Variants in RP1L1 observed in about 807,000 individuals in gnomAD.
The protein encoded by RP1L1 is retinitis pigmentosa 1-like 1 protein.
In RP1L1, 27 loss-of-function variants were observed where a neutral mutation model predicts 15.7. That is an observed-to-expected ratio of 1.72 (90% CI 1.27 to 2.38). The LOEUF (loss-of-function observed/expected upper bound fraction) is 2.38. Among genes scored for constraint, RP1L1 ranks in the 30% most tolerant of loss-of-function variants. The probability of loss-of-function intolerance (pLI) is 0.00; values close to 1 mark genes in which losing one functional copy is unlikely to be tolerated. For synonymous variants in RP1L1, 1,813 were observed against 1,276.7 expected (o/e 1.42, Z -8.96); for missense variants, 4,798 against 3,075.9 (o/e 1.56, Z -13.24).
intron 1 of RP1L1, among the ~76,000 whole-genome samples, chr8:10,627,192 T>C (rs545552898): frequency 7.9e-5 from 12 of 152,298 alleles, no homozygotes; most frequent in African/African-American, 2.9e-4. Context: ...CCCACGTTCA[T>C]TGCAGCTTTA....
In RP1L1 at chr8:10,612,846, C is replaced by T. The variant is rs1482467097; in HGVS notation, c.1252G>A (p.Glu418Lys). 13 of 1,612,846 alleles carry T rather than the reference C, an allele frequency of 8.1e-6. No homozygotes were observed. Among genetic ancestry groups the T allele is most frequent in the Non-Finnish European group, 1.1e-5 (13 of 1,179,932 alleles). ...CACCTCTTCCGAGCTGCCACTCTCT[C>T]TCCCTGGGAGGCATGCAGGGGATTC... is the stretch of plus-strand genomic sequence containing the variant. ...WTNPLHASQG[E>K]RVAARKRWGL... Residue 418 changes from glutamate (E) to lysine (K), a missense_variant, in exon 4 of 4, where the codon GAG becomes AAG. By Grantham distance (56) the Glu-to-Lys change is moderately conservative. Coordinates refer to ENST00000382483, the MANE Select transcript of RP1L1 (RefSeq NM_178857.6).
At position 10,608,874 on chromosome 8, in the gene RP1L1, C is replaced by A; in HGVS notation, c.5224G>T (p.Glu1742Ter). The A allele has an allele frequency of 6.2e-7, 1 of 1,614,034 alleles. No individual in the cohort carries two copies. Among genetic ancestry groups the A allele is most frequent in the Non-Finnish European group, 8.5e-7 (1 of 1,180,042 alleles). The change falls in exon 4 of 4, where the codon GAG becomes TAG. Residue 1742 changes from glutamate (E) to a stop codon, truncating the protein, a stop_gained. Transcript: ENST00000382483. LOFTEE classifies it low-confidence loss of function (END_TRUNC). Reference protein sequence around the residue: ...PGLSQGPGVDEGEDGEGSQRL... With the variant: ...PGLSQGPGVD ...TGGCTCCCCTCGCCATCCTCACCCT[C>A]GTCCACTCCAGGCCCCTGGCTCAGC...
chr8:10,607,023 A>C lies in RP1L1; in HGVS notation c.7075T>G (p.Ser2359Ala). 6.2e-7 allele frequency: 1 copy of C among 1,614,156 alleles called. No homozygotes were observed. Residue 2359 changes from serine (S) to alanine (A), a missense_variant, in exon 4 of 4, where the codon TCA (serine) becomes GCA (alanine). Coordinates refer to ENST00000382483, the MANE Select transcript of RP1L1 (RefSeq NM_178857.6). ...CTGGCCCCCTGCTCTGGAGTCCTTG[A>C]GCCCAAAGGGGCCTCTTCTTGCTCA... The part of the protein sequence containing the change: ...TSEQEEAPLG[S>A]RTPEQGASEG...
At chr8:10,625,422 G>A (rs1798140872) in intron 1 of RP1L1, among the ~76,000 whole-genome samples, 1 of 151,976 alleles carries the variant, frequency 6.6e-6, no homozygotes, top group South Asian at 2.1e-4. Context: ...ACAGGGAAGA[G>A]GGGGCCAGGC....
chr8:10,645,764 G>A (rs566882675), intron 1 of RP1L1, among the ~76,000 whole-genome samples: 2 of 152,288 alleles, frequency 1.3e-5, no homozygotes, highest in East Asian at 3.9e-4. Flanking sequence ...CAGTGCAAGC[G>A]AGTCCAGCCC....
Position 10,611,957 on chromosome 8 carries a change from T to C in RP1L1, c.2141A>G (p.Gln714Arg). 1.2e-6 allele frequency: 2 copies of C among 1,613,844 alleles called. No homozygotes were observed. Among genetic ancestry groups the C allele is most frequent in the Non-Finnish European group, 1.7e-6 (2 of 1,180,000 alleles). The change falls in exon 4 of 4, where the codon CAG (glutamine) becomes CGG (arginine). Residue 714 changes from glutamine (Q) to arginine (R), a missense_variant. Coordinates refer to ENST00000382483, the MANE Select transcript of RP1L1 (RefSeq NM_178857.6). ...GGGAGGTCTCAGGTTCCCAGAGGCC[T>C]GTGTCCTGGTGCTCGATGAGCTTCC... ...YSGSSSSTRT[Q>R]ASGNLRPPSS... is the part of the protein sequence containing the mutation.
intron 1 of RP1L1, among the ~76,000 whole-genome samples, chr8:10,639,834 C>A (rs1798382730): frequency 6.6e-6 from 1 of 152,154 alleles, no homozygotes; most frequent in East Asian, 1.9e-4. Context: ...TTTAACTCAA[C>A]AAAAATGAAA....
At chr8:10,624,603 T>C (rs1422474462) in intron 1 of RP1L1, among the ~76,000 whole-genome samples, 1 of 151,872 alleles carries the variant, frequency 6.6e-6, no homozygotes, top group Non-Finnish European at 1.5e-5. Flanking sequence ...CTGGGTGGTG[T>C]TGGAAGGCTG....
At chr8:10,625,770 C>G (rs758301583) in intron 1 of RP1L1, among the ~76,000 whole-genome samples, 2 of 152,228 alleles carry the variant, frequency 1.3e-5, no homozygotes, top group Middle Eastern at 3.4e-3. Flanking sequence ...AAGCGGGGAG[C>G]TGTGGTGGGT....
chr8:10,643,655 T>G (rs1798437110), intron 1 of RP1L1, among the ~76,000 whole-genome samples: 1 of 152,058 alleles, frequency 6.6e-6, no homozygotes. Context: ...AAAGCTGGAA[T>G]GTGGTCTTTC....
At chr8:10,644,457 C>T (rs957891004) in intron 1 of RP1L1, among the ~76,000 whole-genome samples, 2 of 152,218 alleles carry the variant, frequency 1.3e-5, no homozygotes, top group African/African-American at 4.8e-5. Context: ...TCACACCAGG[C>T]CACATGGGTG....
chr8:10,654,978 G>A lies in RP1L1; in HGVS notation c.-100C>T, dbSNP rs953012877. 6.5e-6 allele frequency: 1 copy of A among 152,940 alleles called. No homozygotes were observed. Among genetic ancestry groups the A allele is most frequent in the African/African-American group, 2.4e-5 (1 of 41,468 alleles). 9.5% of individuals were successfully genotyped at this position (152,940 alleles called of 1,614,324 possible). Reference sequence around the variant, plus strand: ...CTTTGGAGGAAAGTCAGGCCAGGGGGAACACCGCCTCCTTCCCTGCCAGTG... The same window carrying A: ...CTTTGGAGGAAAGTCAGGCCAGGGGAAACACCGCCTCCTTCCCTGCCAGTG... On this transcript the variant is annotated 5_prime_UTR_variant, in exon 1 of 4. Transcript: ENST00000382483.
In RP1L1 at chr8:10,637,104, A is replaced by C. The variant is rs538538944; in HGVS notation, c.-19-13884T>G. 5.4e-4 allele frequency among the ~76,000 whole-genome samples: 82 copies of C among 152,324 alleles called. No individual in the cohort carries two copies. In the South Asian group the frequency reaches 0.011, roughly 21 times the overall value. On this transcript the variant is annotated intron_variant, in intron 1 of 3. Transcript: ENST00000382483. ...CTGAGATTTAGAGAAAAAGAATGCAAGGTTCGCTCAGGGCCATAGAGCAGG... is the reference window on the plus strand; with the variant it reads ...CTGAGATTTAGAGAAAAAGAATGCACGGTTCGCTCAGGGCCATAGAGCAGG...
chr8:10,628,435 T>C (rs1001750718), intron 1 of RP1L1, among the ~76,000 whole-genome samples: 4 of 151,894 alleles, frequency 2.6e-5, no homozygotes, highest in Admixed American at 2.6e-4. Context: ...CTACACACAA[T>C]TACAAGTGCA....
At chr8:10,645,009 C>A (rs1264104763) in intron 1 of RP1L1, among the ~76,000 whole-genome samples, 2 of 152,162 alleles carry the variant, frequency 1.3e-5, no homozygotes, top group East Asian at 3.8e-4. Flanking sequence ...ACTTCAGTGA[C>A]CCCACTCAAT....
At chr8:10,631,874 G>T (rs1414469632) in intron 1 of RP1L1, among the ~76,000 whole-genome samples, 1 of 152,224 alleles carries the variant, frequency 6.6e-6, no homozygotes, top group East Asian at 1.9e-4. Flanking sequence ...AAACAGGAAG[G>T]GGGAAGCCAG....
intron 1 of RP1L1, among the ~76,000 whole-genome samples, chr8:10,644,650 C>A (rs1251610936): frequency 1.3e-5 from 2 of 152,216 alleles, no homozygotes; most frequent in East Asian, 1.9e-4. Context: ...GAACAAAAAC[C>A]CTGCCCCTCT....
chr8:10,610,487 C>A lies in RP1L1; in HGVS notation c.3611G>T (p.Ser1204Ile). The A allele has an allele frequency of 2.5e-6, 4 of 1,613,820 alleles. No individual in the cohort carries two copies. Among genetic ancestry groups the A allele is most frequent in the Non-Finnish European group, 2.5e-6 (3 of 1,180,028 alleles). Reference sequence around the variant, plus strand: ...CTCCCCTGAGCCTCCAGAGCCGCTGCTGATGTCCACACCAGAGGAGGATGT... The same window carrying A: ...CTCCCCTGAGCCTCCAGAGCCGCTGATGATGTCCACACCAGAGGAGGATGT... ...TPTSSSGVDI[S>I]SGSGGSGESS... Residue 1204 changes from serine to isoleucine, a missense_variant, in exon 4 of 4, where the codon AGC (serine) becomes ATC (isoleucine). Transcript: ENST00000382483.
chr8:10,652,719 A>G (rs1355816195), intron 1 of RP1L1, among the ~76,000 whole-genome samples: 1 of 150,606 alleles, frequency 6.6e-6, no homozygotes, highest in Admixed American at 6.6e-5. Context: ...CCAAGATTCC[A>G]TCTGCAGCCT....
Sources: gnomAD v4.1 joint callset for allele counts (sites outside exome capture counted in the v4.1 genomes callset) on GRCh38, gnomAD v4.1.1 for gene constraint, MANE v1.5 for transcripts, NCBI Gene and HGNC (gene_info 2026-07-23, HGNC 2026-07-21) for gene names.